Variants in MYT1 observed in about 807,000 individuals in gnomAD.
The protein encoded by MYT1 is myelin transcription factor I.
MYT1 carries 23 observed loss-of-function variants against 123.0 expected under a neutral mutation model. The observed-to-expected ratio is 0.19, with a 90% confidence interval of 0.13 to 0.26. The LOEUF is 0.26. Among genes scored for constraint, MYT1 ranks in the 10% least tolerant of loss-of-function variants. The pLI is 1.00. For synonymous variants in MYT1, 518 were observed against 575.3 expected, an observed-to-expected ratio of 0.90 and a Z score of 1.43; for missense variants, 1,125 against 1,472.5, an observed-to-expected ratio of 0.76 and a Z score of 3.86.
At position 64,218,882 on chromosome 20, in the gene MYT1, T is replaced by G; in HGVS notation, c.1847-29T>G. 1 of 1,612,962 alleles carries G rather than the reference T, an allele frequency of 6.2e-7. No homozygotes were observed. Among genetic ancestry groups the G allele is most frequent in the Non-Finnish European group, 8.5e-7 (1 of 1,180,006 alleles). The stretch of plus-strand genomic sequence containing the variant: ...CCAGGCACAGCCCCTCCAGTAGTTA[T>G]GTGAGGAGCACTTCATCCTCTTCTG... On this transcript the variant is annotated intron_variant, in intron 11 of 22. Transcript: ENST00000328439. This position sits in a 1 kb window ranked among gnomAD's most constrained non-coding sequence, Gnocchi z 4.0.
chr20:64,189,925 G>A lies in MYT1; in HGVS notation c.-98-138G>A, dbSNP rs1269063274. 6.6e-6 allele frequency: 1 copy of A among 152,468 alleles called. No individual in the cohort carries two copies. Among genetic ancestry groups the A allele is most frequent in the African/African-American group, 2.4e-5 (1 of 41,442 alleles). 9.4% of individuals were successfully genotyped at this position (152,468 alleles called of 1,614,324 possible). A position where few individuals can be genotyped will look rare whatever the true frequency, so the allele number is the denominator to read the frequency against. On this transcript the variant is annotated intron_variant, in intron 1 of 22. Coordinates refer to ENST00000328439, the MANE Select transcript of MYT1 (RefSeq NM_004535.3). The surrounding 1 kb of genome is among the most constrained non-coding windows in gnomAD (Gnocchi z 5.5). Reference sequence around the variant, plus strand: ...GAGCCATGACCTTGTCTGTTTCTCCGGTGGATTCCAGGAAATAGGCATTGA... The same window carrying A: ...GAGCCATGACCTTGTCTGTTTCTCCAGTGGATTCCAGGAAATAGGCATTGA...
In MYT1 at chr20:64,237,402, C is replaced by A; in HGVS notation, c.3093+12C>A. 6.3e-7 allele frequency: 1 copy of A among 1,587,646 alleles called. No individual in the cohort carries two copies. The highest frequency in any genetic ancestry group is 8.6e-7 in the Non-Finnish European group (1 of 1,166,188). ...AGCTGCAGTCCCAGGTAGGTGGTGC[C>A]GCCCCCCGCTCCTGGGCTCTTTGCC... On this transcript the variant is annotated intron_variant, in intron 21 of 22. Coordinates refer to ENST00000328439, the MANE Select transcript of MYT1 (RefSeq NM_004535.3).
At chr20:64,235,149 A>T (rs1297168707) in intron 19 of MYT1, among the ~76,000 whole-genome samples, 1 of 67,296 alleles carries the variant, frequency 1.5e-5, no homozygotes, top group African/African-American at 6.2e-5. Context: ...GGGCTGGCTG[A>T]GTGACCCTGG....
chr20:64,221,619 A>G (rs1468211439), intron 13 of MYT1, among the ~76,000 whole-genome samples: 1 of 152,204 alleles, frequency 6.6e-6, no homozygotes, highest in Non-Finnish European at 1.5e-5. Flanking sequence ...GGAGGGTGTC[A>G]GGAGCCTGCC....
At chr20:64,211,377 A>C in intron 8 of MYT1, 37 bp downstream of exon 8, 1 of 1,583,042 alleles carries the variant, frequency 6.3e-7, no homozygotes, top group Non-Finnish European at 8.6e-7. Flanking sequence ...CTAACTGTGA[A>C]GCTCACGCTG....
In MYT1 at chr20:64,166,312, G is replaced by A. The variant is rs958294888; in HGVS notation, c.-99+1573G>A. ...TTAGAGGGCAGTTTGTTTTCAAAGAGAAGGAGGCAGTCTTATGGATTCTTC... is the reference window on the plus strand; with the variant it reads ...TTAGAGGGCAGTTTGTTTTCAAAGAAAAGGAGGCAGTCTTATGGATTCTTC... On this transcript the variant is annotated intron_variant, in intron 1 of 22. Coordinates refer to ENST00000328439, the MANE Select transcript of MYT1 (RefSeq NM_004535.3). The surrounding 1 kb of genome is among the most constrained non-coding windows in gnomAD (Gnocchi z 4.9). Among the ~76,000 whole-genome samples the A allele has an allele frequency of 1.3e-5, 2 of 152,188 alleles. No individual in the cohort carries two copies. The highest frequency in any genetic ancestry group is 4.8e-5 in the African/African-American group (2 of 41,440).
chr20:64,182,020 G>A (rs528848708), intron 1 of MYT1, among the ~76,000 whole-genome samples: 24 of 152,324 alleles, frequency 1.6e-4, no homozygotes, highest in Admixed American at 7.8e-4. Flanking sequence ...CCTGTGACTG[G>A]TTTCGTGTGG....
chr20:64,187,581 G>A (rs1176191321), intron 1 of MYT1, among the ~76,000 whole-genome samples: 1 of 152,290 alleles, frequency 6.6e-6, no homozygotes, highest in Non-Finnish European at 1.5e-5. Context: ...TGCTGCTAGA[G>A]ATGCTGATTG....
chr20:64,187,070 T>C (rs1171697489), intron 1 of MYT1, among the ~76,000 whole-genome samples: 2 of 148,922 alleles, frequency 1.3e-5, no homozygotes, highest in Non-Finnish European at 3.0e-5. Context: ...TGGAGACTTT[T>C]CCTGTAGCCC....
In MYT1 at chr20:64,166,873, G is replaced by A. The variant is rs1035535248; in HGVS notation, c.-99+2134G>A. On this transcript the variant is annotated intron_variant, in intron 1 of 22. Coordinates refer to ENST00000328439, the MANE Select transcript of MYT1 (RefSeq NM_004535.3). This position sits in a 1 kb window ranked among gnomAD's most constrained non-coding sequence, Gnocchi z 4.9. The stretch of plus-strand genomic sequence containing the variant: ...AGGCTGGCAGAGGGTATGCGGCCAC[G>A]GGGGTGCATGCTGGGCAGCTCTGGC... 6.6e-6 allele frequency among the ~76,000 whole-genome samples: 1 copy of A among 152,164 alleles called. No homozygotes were observed. Among genetic ancestry groups the A allele is most frequent in the African/African-American group, 2.4e-5 (1 of 41,398 alleles).
At chr20:64,198,153 A>G (rs925137107) in intron 2 of MYT1, among the ~76,000 whole-genome samples, 54 of 151,756 alleles carry the variant, frequency 3.6e-4, no homozygotes, top group South Asian at 6.3e-4. Flanking sequence ...CGGGCGTGGT[A>G]GCGGGCGCCT....
In MYT1 at chr20:64,220,034, T is replaced by G. The variant is rs575590504; in HGVS notation, c.2241+52T>G. ...TCAGGCGGCTGCAGCCAGCTTGCCC[T>G]GCCTGAGGCTGTTGTGATATTGGCT... On this transcript the variant is annotated intron_variant, in intron 13 of 22. Coordinates refer to ENST00000328439, the MANE Select transcript of MYT1 (RefSeq NM_004535.3). 1.5e-5 allele frequency: 21 copies of G among 1,430,760 alleles called. No homozygotes were observed. In the African/African-American group the frequency reaches 3.0e-4, roughly 21 times the overall value. The allele number at this position is 1,430,760 out of a possible 1,614,324, so 88.6% of individuals were successfully genotyped here. A position where few individuals can be genotyped will look rare whatever the true frequency, so the allele number is the denominator to read the frequency against.
intron 11 of MYT1, among the ~76,000 whole-genome samples, chr20:64,217,596 A>G (rs1245150431): frequency 6.6e-6 from 1 of 152,164 alleles, no homozygotes; most frequent in African/African-American, 2.4e-5. Flanking sequence ...GAGCAACCCC[A>G]CCAGCATGGT....
Position 64,208,183 on chromosome 20 carries a change from G to A in MYT1, c.987G>A (p.Arg329=). Reference sequence around the variant, plus strand: ...CTGCCCAGAAGGCCCCTGAGCTCCGGGGCCCAGAATCACCCAGTCCCAAGC... The same window carrying A: ...CTGCCCAGAAGGCCCCTGAGCTCCGAGGCCCAGAATCACCCAGTCCCAAGC... The part of the protein sequence containing the change: ...HTSAQKAPEL[R]GPESPSPKPE... Residue 329 remains arginine (R), a synonymous_variant, in exon 7 of 23, where the codon CGG becomes CGA. Coordinates refer to ENST00000328439, the MANE Select transcript of MYT1 (RefSeq NM_004535.3). The surrounding 1 kb of genome is among the most constrained non-coding windows in gnomAD (Gnocchi z 5.4). 2 of 1,613,846 alleles carry A rather than the reference G, an allele frequency of 1.2e-6. No homozygotes were observed. Among genetic ancestry groups the A allele is most frequent in the African/African-American group, 1.3e-5 (1 of 75,022 alleles).
chr20:64,220,831 GAAGGGTA>G (rs1306831208), intron 13 of MYT1, among the ~76,000 whole-genome samples: 2 of 61,042 alleles, frequency 3.3e-5, no homozygotes, highest in African/African-American at 1.5e-4. Flanking sequence ...AGGCCCCTAT[GAAGGGTA>G]GGGGCTGGAT....
rs374427808 is a variant in MYT1, at chr20:64,237,313, C to A, written c.3016C>A (p.Gln1006Lys). 5.2e-5 allele frequency: 84 copies of A among 1,611,070 alleles called. No homozygotes were observed. Among genetic ancestry groups the A allele is most frequent in the Non-Finnish European group, 5.5e-5 (65 of 1,179,316 alleles). Residue 1006 changes from glutamine (Q) to lysine (K), a missense_variant, in exon 21 of 23, where the codon CAG (glutamine) becomes AAG (lysine). Around this residue, in one of 4 missense-constraint regions of MYT1, gnomAD observed 243 missense variants for 323.1 expected, o/e 0.75. Transcript: ENST00000328439. ...GTTGGAGAATGATGAGGAGATCAAG[C>A]AGCTGAACCAGGAGATCCGAGACCT... ...DVLENDEEIK[Q>K]LNQEIRDLNE...
chr20:64,210,280 G>A (rs2145718438), intron 7 of MYT1, among the ~76,000 whole-genome samples: 1 of 152,374 alleles, frequency 6.6e-6, no homozygotes, highest in South Asian at 2.1e-4. Flanking sequence ...ACACCAGGCA[G>A]TGCCCAGCTG....
At position 64,229,554 on chromosome 20, in the gene MYT1, A is replaced by T. The variant is rs565597456; in HGVS notation, c.2675+1583A>T. Reference sequence around the variant, plus strand: ...GAGGCTCCATGGCAGAGGGAACCTGACTACTGAACCCTCCGTTTTACAGGG... The same window carrying T: ...GAGGCTCCATGGCAGAGGGAACCTGTCTACTGAACCCTCCGTTTTACAGGG... On this transcript the variant is annotated intron_variant, in intron 18 of 22. Coordinates refer to ENST00000328439, the MANE Select transcript of MYT1 (RefSeq NM_004535.3). Among the ~76,000 whole-genome samples the T allele has an allele frequency of 5.3e-5, 8 of 152,350 alleles. No individual in the cohort carries two copies. The South Asian group carries it at 1.7e-3, about 32-fold the overall frequency.
intron 18 of MYT1, among the ~76,000 whole-genome samples, chr20:64,229,958 G>A (rs898495623): frequency 7.2e-5 from 11 of 152,016 alleles, no homozygotes; most frequent in Admixed American, 2.6e-4. Flanking sequence ...TGGCACACAC[G>A]GCTTCTGCCC....
Sources: gnomAD v4.1 joint callset for allele counts (sites outside exome capture counted in the v4.1 genomes callset) on GRCh38, gnomAD v4.1.1 for gene constraint, gnomAD v4.1.1 regional missense constraint, Gnocchi (gnomAD v3.1) non-coding constraint, MANE v1.5 for transcripts, NCBI Gene and HGNC (gene_info 2026-07-23, HGNC 2026-07-21) for gene names.